CLASP1: variants seen among roughly 807,000 people sequenced by gnomAD.
The protein encoded by CLASP1 is cytoplasmic linker associated protein 1.
A neutral mutation model predicts 192.3 loss-of-function variants in CLASP1; 38 were observed. That is an observed-to-expected ratio of 0.20 (90% CI 0.15 to 0.26). The LOEUF (loss-of-function observed/expected upper bound fraction) is 0.26. CLASP1 is among the 10% of genes least tolerant of loss of function. The pLI, the probability that CLASP1 is intolerant of heterozygous loss-of-function variation, is 1.00. For missense variants in CLASP1, 1,433 were observed against 1,932.5 expected (o/e 0.74, Z 4.85); for synonymous variants, 691 against 712.8 (o/e 0.97, Z 0.49).
chr2:121,344,424 C>T lies in CLASP1; in HGVS notation c.4530+2614G>A, dbSNP rs565278979. On this transcript the variant is annotated intron_variant, in intron 39 of 39. Transcript: ENST00000263710. The stretch of plus-strand genomic sequence containing the variant: ...TTGGCTCACTGCAACCTCCACCTCC[C>T]AGGTTCAAGCGATTCTCCTGCCTCG... Among the ~76,000 whole-genome samples, 6 of 152,128 alleles carry T rather than the reference C, an allele frequency of 3.9e-5. No individual in the cohort carries two copies. The South Asian group carries it at 1.2e-3, about 32-fold the overall frequency.
intron 1 of CLASP1, among the ~76,000 whole-genome samples, chr2:121,637,332 G>T (rs1297283243): frequency 6.6e-6 from 1 of 151,708 alleles, no homozygotes; most frequent in African/African-American, 2.4e-5. Context: ...TGCCACTCAG[G>T]GATACAGAAA....
intron 37 of CLASP1, among the ~76,000 whole-genome samples, chr2:121,361,041 C>T (rs1260637864): frequency 6.6e-6 from 1 of 152,188 alleles, no homozygotes; most frequent in African/African-American, 2.4e-5. Context: ...CTTCTTAGGA[C>T]TCAACTTTAG....
At position 121,567,065 on chromosome 2, in the gene CLASP1, C is replaced by T. The variant is rs534236318; in HGVS notation, c.196-36740G>A. On this transcript the variant is annotated intron_variant, in intron 2 of 39. Coordinates refer to ENST00000263710, the Ensembl canonical transcript of CLASP1. ...AGATGCCAGCTCTACCACTTATCTT[C>T]ACCTATTAAAGGGGAATTACAACAG... is the stretch of plus-strand genomic sequence containing the variant. 1.4e-3 allele frequency among the ~76,000 whole-genome samples: 217 copies of T among 152,338 alleles called. 7 individuals carry two copies. In the South Asian group the frequency reaches 0.042, roughly 29 times the overall value.
chr2:121,382,155 G>A, intron 33 of CLASP1, 53 bp downstream of exon 34: 1 of 1,418,768 alleles, frequency 7.0e-7, no homozygotes, highest in South Asian at 1.2e-5. Flanking sequence ...GACGACCTTG[G>A]AAATGCAATA....
chr2:121,472,765 C>A (rs1174721202), intron 8 of CLASP1, among the ~76,000 whole-genome samples: 1 of 152,124 alleles, frequency 6.6e-6, no homozygotes, highest in Non-Finnish European at 1.5e-5. Flanking sequence ...AGAGTTTACA[C>A]AAGTAGGGAA....
chr2:121,530,382 G>GC, intron 2 of CLASP1, 57 bp from the exon 3 acceptor site: 1 of 1,405,410 alleles, frequency 7.1e-7, no homozygotes, highest in African/African-American at 1.4e-5. Flanking sequence ...CAGCGCTCCC[G>GC]CCCACCCGCT....
chr2:121,550,951 A>ATCGATACAAAAATCT (rs1429328040), intron 2 of CLASP1, among the ~76,000 whole-genome samples: 3 of 152,238 alleles, frequency 2.0e-5, no homozygotes, highest in African/African-American at 4.8e-5. Context: ...CTTGATGAGC[A>ATCGATACAAAAATCT]TCGATACAAA....
At chr2:121,509,526 G>A (rs1453336216) in intron 7 of CLASP1, among the ~76,000 whole-genome samples, 1 of 152,106 alleles carries the variant, frequency 6.6e-6, no homozygotes, top group Non-Finnish European at 1.5e-5. Context: ...CCACATGCCA[G>A]GCCACAAAAA....
rs570939476 is a variant in CLASP1 at position 121,369,504 on chromosome 2, C to G, written c.3643-1673G>C. On this transcript the variant is annotated intron_variant, in intron 34 of 39. Transcript: ENST00000263710. ...CATTGAACAGGAGGTTTAAAAAAAA[C>G]AAAAAAAGAGAAGGGTTTTAAAAAT... Among the ~76,000 whole-genome samples, 117 of 151,208 alleles carry G rather than the reference C, an allele frequency of 7.7e-4. 1 individual carries two copies. The highest frequency in any genetic ancestry group is 2.7e-3 in the African/African-American group (112 of 41,264).
At chr2:121,384,189 C>A (rs1460782210) in intron 32 of CLASP1, among the ~76,000 whole-genome samples, 1 of 151,200 alleles carries the variant, frequency 6.6e-6, no homozygotes, top group Non-Finnish European at 1.5e-5. Context: ...CACACACACA[C>A]ACACATTTTT....
intron 1 of CLASP1, among the ~76,000 whole-genome samples, chr2:121,611,896 CAGAA>C (rs1419980260): frequency 7.5e-6 from 1 of 133,020 alleles, no homozygotes; most frequent in Non-Finnish European, 1.6e-5. Flanking sequence ...GGAGGAGTCA[CAGAA>C]GGAAGAGGAA....
chr2:121,621,729 G>C (rs548336962), intron 1 of CLASP1, among the ~76,000 whole-genome samples: 7 of 152,250 alleles, frequency 4.6e-5, no homozygotes, highest in African/African-American at 1.7e-4. Context: ...AGTAAGTTAT[G>C]AAAGTCCTCC....
chr2:121,525,130 G>A (rs1322084368), intron 6 of CLASP1, among the ~76,000 whole-genome samples: 3 of 152,090 alleles, frequency 2.0e-5, no homozygotes, highest in African/African-American at 7.2e-5. Flanking sequence ...TTCTTCTAAT[G>A]AAGTATCATT....
intron 2 of CLASP1, among the ~76,000 whole-genome samples, chr2:121,596,091 T>G (rs2063110113): frequency 6.6e-6 from 1 of 152,206 alleles, no homozygotes; most frequent in South Asian, 2.1e-4. Context: ...TTGTTGCCCT[T>G]GCATATAGGT....
At chr2:121,473,904 T>C (rs2091194780) in intron 8 of CLASP1, among the ~76,000 whole-genome samples, 1 of 152,004 alleles carries the variant, frequency 6.6e-6, no homozygotes, top group South Asian at 2.1e-4. Flanking sequence ...CAAACAAAAA[T>C]TGTCATCAGC....
chr2:121,447,776 G>A (rs182301647), intron 18 of CLASP1, among the ~76,000 whole-genome samples: 33 of 152,254 alleles, frequency 2.2e-4, no homozygotes, highest in Non-Finnish European at 3.8e-4. Flanking sequence ...AATGGACCAT[G>A]TTTCTGCTTA....
chr2:121,496,233 C>A (rs747411217), intron 8 of CLASP1, among the ~76,000 whole-genome samples: 3 of 152,172 alleles, frequency 2.0e-5, no homozygotes, highest in Non-Finnish European at 1.5e-5. Context: ...TAAATTTTCA[C>A]AAATGGGAGT....
intron 13 of CLASP1, 34 bp from the exon 14 acceptor site, chr2:121,457,791 T>C: frequency 6.6e-7 from 1 of 1,520,348 alleles, no homozygotes; most frequent in Non-Finnish European, 9.1e-7. Flanking sequence ...AGGTCAACAC[T>C]TGCAAATACA....
chr2:121,339,704 C>T (rs1355343312), exon 40 of CLASP1: 2 of 152,182 alleles, frequency 1.3e-5, no homozygotes, highest in African/African-American at 4.8e-5. Flanking sequence ...TGCTACACCT[C>T]ATAATTACTT....
Sources: allele counts gnomAD v4.1 joint callset (sites outside exome capture counted in the v4.1 genomes callset), GRCh38; gene constraint gnomAD v4.1.1; transcripts MANE v1.5; gene names NCBI Gene and HGNC (gene_info 2026-07-23, HGNC 2026-07-21).